MMP26: variants seen among roughly 807,000 people sequenced by gnomAD.
MMP26 encodes the protein matrix metalloproteinase-26.
Under a neutral mutation model 31.0 loss-of-function variants are expected in MMP26, and 33 were observed. That is an observed-to-expected ratio of 1.06 (90% CI 0.81 to 1.42). The LOEUF is 1.42. MMP26 is among the 40% of genes most tolerant of loss of function. The pLI is 0.00. For missense variants in MMP26, 347 were observed against 316.1 expected (o/e 1.10, Z -0.74); for synonymous variants, 122 against 114.9 (o/e 1.06, Z -0.40).
intron 2 of MMP26, chr11:4,943,397 C>A (rs2595993): frequency 0.47 from 204,543 of 433,080 alleles, 49,570 homozygotes; most frequent in East Asian, 0.57. Flanking sequence ...TATCAGATTG[C>A]CCCTAGGTGC....
intron 1 of MMP26, among the ~76,000 whole-genome samples, chr11:4,731,155 G>A (rs1429496174): frequency 6.6e-6 from 1 of 152,032 alleles, no homozygotes; most frequent in Non-Finnish European, 1.5e-5. Context: ...TGTTGGCCAG[G>A]CTGGTCTTGA....
chr11:4,859,964 C>A (rs777836233), intron 2 of MMP26: 1 of 470,972 alleles, frequency 2.1e-6, no homozygotes, highest in South Asian at 1.5e-5. Context: ...ACGATGAGGC[C>A]GTAGAGGCTG....
intron 2 of MMP26, among the ~76,000 whole-genome samples, chr11:4,827,415 C>T (rs1352271744): frequency 6.6e-6 from 1 of 151,888 alleles, no homozygotes; most frequent in Non-Finnish European, 1.5e-5. Context: ...TTTAAAAACT[C>T]CAAATAGAGA....
chr11:4,970,796 G>A (rs943797207), intron 2 of MMP26, among the ~76,000 whole-genome samples: 2 of 152,162 alleles, frequency 1.3e-5, no homozygotes, highest in African/African-American at 4.8e-5. Context: ...AGGTCATCAG[G>A]CATTGTGCAC....
At chr11:4,761,629 C>T (rs935975695) in intron 1 of MMP26, among the ~76,000 whole-genome samples, 1 of 152,116 alleles carries the variant, frequency 6.6e-6, no homozygotes, top group Non-Finnish European at 1.5e-5. Flanking sequence ...TTACACATTT[C>T]AATTAAAAAT....
chr11:4,874,927 A>T (rs1564798225), intron 2 of MMP26, among the ~76,000 whole-genome samples: 1 of 152,130 alleles, frequency 6.6e-6, no homozygotes, highest in African/African-American at 2.4e-5. Context: ...CTAACTCAAG[A>T]TGACATTTAT....
At chr11:4,931,579 T>C (rs1316128903) in intron 2 of MMP26, among the ~76,000 whole-genome samples, 1 of 152,012 alleles carries the variant, frequency 6.6e-6, no homozygotes, top group South Asian at 2.1e-4. Flanking sequence ...TTAATAAGAA[T>C]TGGACAAGTT....
At chr11:4,861,030 A>T (rs1589922448) in intron 2 of MMP26, among the ~76,000 whole-genome samples, 1 of 150,576 alleles carries the variant, frequency 6.6e-6, no homozygotes, top group African/African-American at 2.4e-5. Flanking sequence ...CACAACCTAC[A>T]TCCACATAAA....
intron 1 of MMP26, among the ~76,000 whole-genome samples, chr11:4,757,799 AAG>A (rs553564335): frequency 6.6e-6 from 1 of 152,042 alleles, no homozygotes; most frequent in Non-Finnish European, 1.5e-5. Flanking sequence ...AACAGAAAAA[AAG>A]AGAAAAAAAA....
chr11:4,992,345 C>A lies in MMP26; in HGVS notation c.*103C>A. 1.7e-6 allele frequency: 2 copies of A among 1,168,226 alleles called. No individual in the cohort carries two copies. The highest frequency in any genetic ancestry group is 2.4e-6 in the Non-Finnish European group (2 of 823,556). 72.4% of individuals were successfully genotyped at this position (1,168,226 alleles called of 1,614,324 possible). On this transcript the variant is annotated 3_prime_UTR_variant, in exon 8 of 8. Coordinates refer to ENST00000380390, the MANE Select transcript of MMP26 (RefSeq NM_021801.5). ...AGCCTTGGGGACTGCTAGGATGAAG[C>A]CCTAAAGAATGCAACCTAGTCAGGT...
At chr11:4,733,523 G>A (rs6578522) in intron 1 of MMP26, among the ~76,000 whole-genome samples, 87,512 of 151,444 alleles carry the variant, frequency 0.58, 25,900 homozygotes, top group African/African-American at 0.66. Context: ...TTTATCTCTT[G>A]TTCTGCAACT....
intron 2 of MMP26, among the ~76,000 whole-genome samples, chr11:4,835,693 C>T (rs979421524): frequency 1.9e-4 from 29 of 152,108 alleles, no homozygotes; most frequent in African/African-American, 6.8e-4. Context: ...AGTTCAATAC[C>T]TACCACTGAC....
At chr11:4,923,776 C>G (rs1347366002) in intron 2 of MMP26, 1 of 1,614,030 alleles carries the variant, frequency 6.2e-7, no homozygotes, top group Non-Finnish European at 8.5e-7. Context: ...AGCAGGCCAG[C>G]TTCATGATCT....
intron 2 of MMP26, among the ~76,000 whole-genome samples, chr11:4,900,337 A>G (rs1015168054): frequency 1.3e-5 from 2 of 152,226 alleles, no homozygotes; most frequent in Non-Finnish European, 2.9e-5. Context: ...AATTTCTATC[A>G]AGTTCATTTG....
rs571663136 is a variant in MMP26 at position 4,737,988 on chromosome 11, C to A, written c.-216-29282C>A. 3.9e-5 allele frequency among the ~76,000 whole-genome samples: 6 copies of A among 152,226 alleles called. No individual in the cohort carries two copies. In the East Asian group the frequency reaches 1.2e-3, roughly 29 times the overall value. Reference sequence around the variant, plus strand: ...CTAGTCACCATGCCCCACTATTTTTCGTTTGTTTGCTTTTTGTGGAGACTC... The same window carrying A: ...CTAGTCACCATGCCCCACTATTTTTAGTTTGTTTGCTTTTTGTGGAGACTC... On this transcript the variant is annotated intron_variant, in intron 1 of 7. Transcript: ENST00000380390.
intron 2 of MMP26, among the ~76,000 whole-genome samples, chr11:4,849,780 C>T (rs1849947948): frequency 6.6e-6 from 1 of 152,056 alleles, no homozygotes; most frequent in African/African-American, 2.4e-5. Context: ...AAAATTCTCC[C>T]TTTCAGAATT....
chr11:4,865,377 A>G (rs1337789916), intron 2 of MMP26, among the ~76,000 whole-genome samples: 1 of 152,114 alleles, frequency 6.6e-6, no homozygotes, highest in Non-Finnish European at 1.5e-5. Context: ...AAAAATAATT[A>G]TTAGGAAGAG....
chr11:4,828,616 TTTGAATAAAGATTAAAGTTTGAA>T lies in MMP26; in HGVS notation c.-145+61277_-145+61299del, dbSNP rs1297450577. 1.1e-4 allele frequency among the ~76,000 whole-genome samples: 16 copies of T among 152,144 alleles called. No individual in the cohort carries two copies. In the South Asian group the frequency reaches 3.3e-3, roughly 32 times the overall value. On this transcript the variant is annotated intron_variant, in intron 2 of 7. Transcript: ENST00000380390. Reference sequence around the variant, plus strand: ...AAGGTATTTTCCTAATGGGTGGAGGTTTGAATAAAGATTAAAGTTTGAATGAACACAACCGTTTAGGGTTATCT... The same window carrying T: ...AAGGTATTTTCCTAATGGGTGGAGGTTGAACACAACCGTTTAGGGTTATCT...
chr11:4,953,770 G>A lies in MMP26; in HGVS notation c.-144-34298G>A, dbSNP rs1250012191. Among the ~76,000 whole-genome samples the A allele has an allele frequency of 6.4e-5, 8 of 125,202 alleles. 2 individuals carry two copies. Among genetic ancestry groups the A allele is most frequent in the South Asian group, 2.4e-4 (1 of 4,182 alleles). The allele number at this position is 125,202 out of a possible 152,430, so 82.1% of individuals were successfully genotyped here. A position where few individuals can be genotyped will look rare whatever the true frequency, so the allele number is the denominator to read the frequency against. On this transcript the variant is annotated intron_variant, in intron 2 of 7. Transcript: ENST00000380390. ...GGGTCTCGGAATATGTTCTTCCTTC[G>A]GCTTGGCGTGTTGGCTCACGCCTGT... is the stretch of plus-strand genomic sequence containing the variant.
Sources: gnomAD v4.1 joint callset for allele counts (sites outside exome capture counted in the v4.1 genomes callset) on GRCh38, gnomAD v4.1.1 for gene constraint, MANE v1.5 for transcripts, NCBI Gene and HGNC (gene_info 2026-07-23, HGNC 2026-07-21) for gene names.